NSF: variants seen among roughly 807,000 people sequenced by gnomAD.
NSF encodes the protein vesicle-fusing ATPase.
A neutral mutation model predicts 50.3 loss-of-function variants in NSF; 14 were observed. That is an observed-to-expected ratio of 0.28 (90% CI 0.18 to 0.44). The LOEUF is 0.44. NSF is among the 20% of genes least tolerant of loss of function. NSF has a pLI of 1.00. For synonymous variants in NSF, 109 were observed against 175.7 expected (o/e 0.62, Z 3.00); for missense variants, 218 against 504.3 (o/e 0.43, Z 5.44).
At chr17:46,726,440 G>T in intron 15 of NSF, 109 bp from the exon 16 acceptor site, 3 of 940,028 alleles carry the variant, frequency 3.2e-6, no homozygotes, top group Middle Eastern at 2.1e-4. Flanking sequence ...CAAAGTGTTG[G>T]TGTTTTCCTG....
intron 12 of NSF, among the ~76,000 whole-genome samples, chr17:46,696,275 C>G (rs1272132944): frequency 7.3e-6 from 1 of 136,990 alleles, no homozygotes; most frequent in Non-Finnish European, 1.5e-5. Flanking sequence ...TAGATTTATT[C>G]GGCATCTACT....
chr17:46,730,051 C>T (rs2058933710), intron 17 of NSF, among the ~76,000 whole-genome samples: 1 of 152,028 alleles, frequency 6.6e-6, no homozygotes, highest in African/African-American at 2.4e-5. Flanking sequence ...CTGATTCCTG[C>T]AATATTTTCT....
At chr17:46,716,796 G>A (rs1322803974) in intron 15 of NSF, among the ~76,000 whole-genome samples, 1 of 152,108 alleles carries the variant, frequency 6.6e-6, no homozygotes, top group East Asian at 1.9e-4. Context: ...AGACACATGT[G>A]TACACATGAA....
In NSF at chr17:46,633,790, T is replaced by C. The variant is rs1311878430; in HGVS notation, c.238+3340T>C. On this transcript the variant is annotated intron_variant, in intron 4 of 20. Transcript: ENST00000398238. The stretch of plus-strand genomic sequence containing the variant: ...ATTAATATTTCAACCTATAAATGTT[T>C]TCAAACTACATGAGGGAAACAACTA... 4.4e-4 allele frequency among the ~76,000 whole-genome samples: 51 copies of C among 116,668 alleles called. 1 individual carries two copies. The highest frequency in any genetic ancestry group is 4.1e-3 in the Middle Eastern group (1 of 244). The allele number at this position is 116,668 out of a possible 152,430, so 76.5% of individuals were successfully genotyped here. A position where few individuals can be genotyped will look rare whatever the true frequency, so the allele number is the denominator to read the frequency against.
intron 15 of NSF, chr17:46,722,261 T>C (rs910094323): frequency 2.9e-6 from 3 of 1,035,306 alleles, no homozygotes; most frequent in Admixed American, 1.8e-5. Flanking sequence ...AAGATTAATT[T>C]TGGGGGGAGT....
chr17:46,707,821 C>T (rs1377700064), intron 13 of NSF, among the ~76,000 whole-genome samples: 1 of 152,000 alleles, frequency 6.6e-6, no homozygotes, highest in Non-Finnish European at 1.5e-5. Flanking sequence ...CACCTGAAGT[C>T]AGGAGTTCAA....
chr17:46,745,328 T>A (rs1426493173), intron 17 of NSF, among the ~76,000 whole-genome samples: 2 of 152,224 alleles, frequency 1.3e-5, no homozygotes, highest in Non-Finnish European at 2.9e-5. Context: ...TTTGGTAATG[T>A]TTTTCAATGT....
intron 15 of NSF, 42 bp downstream of exon 15, chr17:46,714,028 A>ATG (rs141777720): frequency 2.0e-5 from 32 of 1,576,950 alleles, no homozygotes; most frequent in African/African-American, 8.2e-5. Context: ...TATCTCTTAA[A>ATG]TGTGTGTGTG....
At chr17:46,694,230 C>T (rs2058573178) in intron 11 of NSF, among the ~76,000 whole-genome samples, 1 of 136,872 alleles carries the variant, frequency 7.3e-6, no homozygotes, top group Non-Finnish European at 1.5e-5. Context: ...ACTAAAAATA[C>T]AAAAAACTTA....
intron 15 of NSF, among the ~76,000 whole-genome samples, chr17:46,720,762 A>G (rs2058821546): frequency 6.6e-6 from 1 of 152,182 alleles, no homozygotes; most frequent in South Asian, 2.1e-4. Flanking sequence ...CACGCCAAGT[A>G]CTTCAGAACT....
chr17:46,718,592 A>T (rs2058797649), intron 15 of NSF, among the ~76,000 whole-genome samples: 1 of 152,168 alleles, frequency 6.6e-6, no homozygotes, highest in East Asian at 1.9e-4. Context: ...TACTGCCCCC[A>T]TTTTCTCATT....
intron 17 of NSF, among the ~76,000 whole-genome samples, chr17:46,732,776 T>C (rs1395055050): frequency 6.6e-6 from 1 of 152,178 alleles, no homozygotes; most frequent in East Asian, 1.9e-4. Context: ...AGTTTCCCTG[T>C]GTTCTGCAGG....
At chr17:46,684,519 T>C (rs1568030454) in intron 9 of NSF, among the ~76,000 whole-genome samples, 1 of 152,094 alleles carries the variant, frequency 6.6e-6, no homozygotes, top group Non-Finnish European at 1.5e-5. Flanking sequence ...ATCACCACAC[T>C]GTTGAAACAG....
At chr17:46,595,648 C>T (rs1346978118) in intron 1 of NSF, among the ~76,000 whole-genome samples, 3 of 127,326 alleles carry the variant, frequency 2.4e-5, no homozygotes, top group African/African-American at 1.2e-4. Context: ...TGTGCCACCA[C>T]GCCCAGCTAA....
rs780112172 is a variant in NSF at position 46,751,624 on chromosome 17, A to G, written c.2157+8A>G. On this transcript the variant is annotated splice_region_variant and intron_variant, in intron 19 of 20. Coordinates refer to ENST00000398238, the MANE Select transcript of NSF (RefSeq NM_006178.4). ...ATCGAGATGTCCCTACAGGTAAGGT[A>G]CTTCGTTCTCCGTATGACTCAGACA... 6.4e-7 allele frequency: 1 copy of G among 1,572,732 alleles called. No individual in the cohort carries two copies. Among genetic ancestry groups the G allele is most frequent in the South Asian group, 1.1e-5 (1 of 89,790 alleles).
intron 17 of NSF, among the ~76,000 whole-genome samples, chr17:46,737,094 A>G (rs777580227): frequency 2.6e-5 from 4 of 152,260 alleles, no homozygotes; most frequent in Non-Finnish European, 5.9e-5. Flanking sequence ...TTAGATGTAC[A>G]TTTAAGAAAT....
intron 1 of NSF, among the ~76,000 whole-genome samples, chr17:46,608,874 A>G (rs1482584300): frequency 1.3e-5 from 2 of 152,012 alleles, no homozygotes; most frequent in Non-Finnish European, 2.9e-5. Context: ...GATTACAGGC[A>G]TGAGCCCGCG....
chr17:46,685,005 TTTTTG>T (rs1325084284), intron 9 of NSF, among the ~76,000 whole-genome samples: 7 of 96,350 alleles, frequency 7.3e-5, no homozygotes, highest in African/African-American at 1.7e-4. Context: ...AATATTGGGT[TTTTTG>T]TTTTGTTTGT....
chr17:46,745,111 T>C (rs2059114739), intron 17 of NSF, among the ~76,000 whole-genome samples: 1 of 152,134 alleles, frequency 6.6e-6, no homozygotes, highest in South Asian at 2.1e-4. Context: ...GGCCACACAT[T>C]AGGAAGGTGG....
Sources: allele counts gnomAD v4.1 joint callset (sites outside exome capture counted in the v4.1 genomes callset), GRCh38; gene constraint gnomAD v4.1.1; transcripts MANE v1.5; gene names NCBI Gene and HGNC (gene_info 2026-07-23, HGNC 2026-07-21).